Variants in NCS1 observed in about 807,000 individuals in gnomAD.
The protein encoded by NCS1 is neuronal calcium sensor 1, also known as frequenin homolog.
A neutral mutation model predicts 28.4 loss-of-function variants in NCS1; 6 were observed. The observed-to-expected ratio is 0.21, with a 90% CI of 0.12 to 0.42. The LOEUF (loss-of-function observed/expected upper bound fraction) is 0.42. Ranked by LOEUF, NCS1 falls within the 10% of genes least tolerant of loss-of-function variation. The probability of loss-of-function intolerance (pLI) is 1.00; values close to 1 mark genes in which losing one functional copy is unlikely to be tolerated. For missense variants in NCS1, 131 were observed against 241.4 expected, an observed-to-expected ratio of 0.54 and a Z score of 3.03; for synonymous variants, 86 against 99.3, an observed-to-expected ratio of 0.87 and a Z score of 0.79.
intron 1 of NCS1, among the ~76,000 whole-genome samples, chr9:130,189,462 G>A (rs1043122691): frequency 6.6e-6 from 1 of 152,116 alleles, no homozygotes; most frequent in African/African-American, 2.4e-5. Context: ...GGACTGATCC[G>A]GATCCCTGAG....
chr9:130,227,488 A>G (rs1256627280), intron 7 of NCS1, among the ~76,000 whole-genome samples: 3 of 152,190 alleles, frequency 2.0e-5, no homozygotes, highest in Non-Finnish European at 4.4e-5. Flanking sequence ...ACAGTTTCCA[A>G]AGTGGTTGTG....
intron 1 of NCS1, among the ~76,000 whole-genome samples, chr9:130,178,128 G>A (rs1554904781): frequency 2.0e-5 from 3 of 152,212 alleles, no homozygotes; most frequent in Non-Finnish European, 1.5e-5. Flanking sequence ...GCCTCCTGAA[G>A]TGTTGGGATT....
chr9:130,185,737 A>C (rs1554905571), intron 1 of NCS1, among the ~76,000 whole-genome samples: 1 of 152,226 alleles, frequency 6.6e-6, no homozygotes, highest in African/African-American at 2.4e-5. Context: ...TGTGCTGGGC[A>C]GAGGAGGAGC....
chr9:130,215,620 C>T lies in NCS1; in HGVS notation c.90-2212C>T, dbSNP rs1268277189. On this transcript the variant is annotated intron_variant, in intron 2 of 7. Coordinates refer to ENST00000372398, the MANE Select transcript of NCS1 (RefSeq NM_014286.4). The surrounding 1 kb of genome is among the most constrained non-coding windows in gnomAD (Gnocchi z 4.2). ...GATGAATCTCCTGATCTCTCTGTGC[C>T]TCAGTGCCTCATCTGTGAAATGGGA... Among the ~76,000 whole-genome samples the T allele has an allele frequency of 6.6e-6, 1 of 152,178 alleles. No individual in the cohort carries two copies. The highest frequency in any genetic ancestry group is 1.5e-5 in the Non-Finnish European group (1 of 68,030).
intron 2 of NCS1, among the ~76,000 whole-genome samples, chr9:130,213,659 C>G (rs552614219): frequency 6.6e-6 from 1 of 151,882 alleles, no homozygotes; most frequent in Non-Finnish European, 1.5e-5. Flanking sequence ...GATCTCGGCT[C>G]ACTGCAACCT....
chr9:130,204,499 G>A (rs1461219380), intron 2 of NCS1, among the ~76,000 whole-genome samples: 1 of 151,788 alleles, frequency 6.6e-6, no homozygotes, highest in African/African-American at 2.4e-5. Flanking sequence ...TCACTATATT[G>A]CCCAAGCTTG....
chr9:130,199,623 G>A (rs1421769074), intron 1 of NCS1, among the ~76,000 whole-genome samples: 1 of 152,208 alleles, frequency 6.6e-6, no homozygotes, highest in East Asian at 1.9e-4. Context: ...GCAGAGTTGT[G>A]CCATCCTCCC....
chr9:130,221,446 A>G lies in NCS1; in HGVS notation c.308-1204A>G, dbSNP rs904838433. ...GAGAGAGAGAGAGAGAGAGAGAGAG[A>G]GAGAGAAAGAGAGAGTCTTGCTCTG... is the stretch of plus-strand genomic sequence containing the variant. On this transcript the variant is annotated intron_variant, in intron 4 of 7. Transcript: ENST00000372398. 5.6e-5 allele frequency among the ~76,000 whole-genome samples: 8 copies of G among 142,422 alleles called. No individual in the cohort carries two copies. The South Asian group carries it at 1.5e-3, about 27-fold the overall frequency. 93.4% of individuals were successfully genotyped at this position (142,422 alleles called of 152,430 possible).
intron 2 of NCS1, among the ~76,000 whole-genome samples, chr9:130,208,035 A>G (rs1018250053): frequency 7.2e-5 from 11 of 152,110 alleles, no homozygotes; most frequent in African/African-American, 2.7e-4. Context: ...TGCTTAAGAA[A>G]TGGCAGATCC....
At chr9:130,217,755 C>T (rs1484020319) in intron 2 of NCS1, 77 bp from the exon 3 acceptor site, 8 of 1,604,102 alleles carry the variant, frequency 5.0e-6, no homozygotes, top group South Asian at 2.2e-5. Flanking sequence ...TCCTGGGCCC[C>T]GGGCAGGCGA....
In NCS1 at chr9:130,172,716, G is replaced by C; in HGVS notation, c.53G>C (p.Arg18Thr). The C allele has an allele frequency of 1.3e-6, 2 of 1,518,062 alleles. No homozygotes were observed. The highest frequency in any genetic ancestry group is 1.4e-5 in the African/African-American group (1 of 69,726). The allele number at this position is 1,518,062 out of a possible 1,614,324, so 94.0% of individuals were successfully genotyped here. A position where few individuals can be genotyped will look rare whatever the true frequency, so the allele number is the denominator to read the frequency against. The change falls in exon 1 of 8, where the codon AGG becomes ACG. Residue 18 changes from arginine to threonine, a missense_variant. By Grantham distance (71) the Arg-to-Thr change is moderately conservative (BLOSUM62 -1). Around this residue, in one of 2 missense-constraint regions of NCS1, gnomAD observed 31 missense variants for 31.1 expected, o/e 1.00. Transcript: ENST00000372398. ...LKPEVVEELT[R>T]KTYFTEKEVQ... ...CCCGAAGTTGTGGAGGAGCTGACCA[G>C]GAAGACCTACTGTGAGTGCTCCCAG... is the stretch of plus-strand genomic sequence containing the variant.
rs1270895090 is a variant in NCS1, at chr9:130,177,908, C to A, written c.64+5181C>A. ...CCTTCCTTGGGCAAACCTCCTCTCA[C>A]CGGCTTCACTTTCCGCCTCTGGAAA... On this transcript the variant is annotated intron_variant, in intron 1 of 7. Transcript: ENST00000372398. The surrounding 1 kb of genome is among the most constrained non-coding windows in gnomAD (Gnocchi z 4.4). Among the ~76,000 whole-genome samples, 1 of 152,250 alleles carries A rather than the reference C, an allele frequency of 6.6e-6. No individual in the cohort carries two copies. The highest frequency in any genetic ancestry group is 1.9e-4 in the East Asian group (1 of 5,198).
intron 2 of NCS1, among the ~76,000 whole-genome samples, chr9:130,208,326 C>G (rs1833056660): frequency 6.6e-6 from 1 of 151,952 alleles, no homozygotes; most frequent in Non-Finnish European, 1.5e-5. Context: ...GTTGCCCAGG[C>G]TGGAGTGCAG....
At chr9:130,200,747 G>A in intron 1 of NCS1, 2 of 1,422,218 alleles carry the variant, frequency 1.4e-6, no homozygotes, top group Middle Eastern at 1.9e-4. Flanking sequence ...GGAAGGGGTG[G>A]GGCCAGTGTC....
In NCS1 at chr9:130,180,225, G is replaced by C. The variant is rs1267195479; in HGVS notation, c.64+7498G>C. Among the ~76,000 whole-genome samples, 1 of 152,014 alleles carries C rather than the reference G, an allele frequency of 6.6e-6. No individual in the cohort carries two copies. On this transcript the variant is annotated intron_variant, in intron 1 of 7. Transcript: ENST00000372398. This position sits in a 1 kb window ranked among gnomAD's most constrained non-coding sequence, Gnocchi z 4.5. ...ATTTTTGTATTTTTAGTGGAGATGGGGTCTTGCCATTTTGGCCAGGTTGGT... is the reference window on the plus strand; with the variant it reads ...ATTTTTGTATTTTTAGTGGAGATGGCGTCTTGCCATTTTGGCCAGGTTGGT...
intron 2 of NCS1, among the ~76,000 whole-genome samples, chr9:130,210,027 C>T (rs1233983550): frequency 3.9e-5 from 6 of 152,040 alleles, no homozygotes; most frequent in East Asian, 3.9e-4. Flanking sequence ...ATAAACATCT[C>T]GGGCTGAGTT....
chr9:130,216,049 C>T (rs1424599094), intron 2 of NCS1, among the ~76,000 whole-genome samples: 1 of 152,210 alleles, frequency 6.6e-6, no homozygotes, highest in Admixed American at 6.5e-5. Context: ...TTTCAGGGTG[C>T]CACCCCTGGG....
intron 6 of NCS1, 110 bp downstream of exon 6, chr9:130,223,269 C>T: frequency 3.1e-6 from 3 of 976,004 alleles, no homozygotes; most frequent in South Asian, 2.9e-5. Flanking sequence ...TCCTCCATGG[C>T]TCACGGCAGG....
intron 1 of NCS1, among the ~76,000 whole-genome samples, chr9:130,174,790 C>CAAGAAAAAAAA (rs1832538841): frequency 1.1e-5 from 1 of 91,580 alleles, no homozygotes; most frequent in African/African-American, 5.1e-5. Context: ...ACTCTGTCTC[C>CAAGAAAAAAAA]AAAAAAAAAA....
Sources: allele counts gnomAD v4.1 joint callset (sites outside exome capture counted in the v4.1 genomes callset), GRCh38; gene constraint gnomAD v4.1.1; regional missense constraint gnomAD v4.1.1; non-coding constraint Gnocchi (gnomAD v3.1); transcripts MANE v1.5; gene names NCBI Gene and HGNC (gene_info 2026-07-23, HGNC 2026-07-21).